ROBO2: variants seen among roughly 807,000 people sequenced by gnomAD.
ROBO2 encodes roundabout guidance receptor 2.
In ROBO2, 53 loss-of-function variants were observed where a neutral mutation model predicts 160.8. The observed-to-expected ratio is 0.33, with a 90% CI of 0.26 to 0.41. The LOEUF is 0.41. Among genes scored for constraint, ROBO2 ranks in the 10% least tolerant of loss-of-function variants. The pLI, the probability that ROBO2 is intolerant of heterozygous loss-of-function variation, is 1.00. For synonymous variants in ROBO2, 664 were observed against 611.7 expected (o/e 1.09, Z -1.26); for missense variants, 1,577 against 1,722.4 (o/e 0.92, Z 1.49).
intron 2 of ROBO2, among the ~76,000 whole-genome samples, chr3:77,111,638 C>T (rs562527414): frequency 1.3e-5 from 2 of 151,922 alleles, no homozygotes; most frequent in South Asian, 4.2e-4. Flanking sequence ...TGTTACATCG[C>T]AGTTTTTTAG....
At chr3:76,816,073 A>G (rs905852017) in intron 2 of ROBO2, among the ~76,000 whole-genome samples, 5 of 152,098 alleles carry the variant, frequency 3.3e-5, no homozygotes, top group African/African-American at 1.2e-4. Flanking sequence ...TGACTGGATA[A>G]CAGCAGAGAA....
At chr3:77,597,761 A>T (rs2094340747) in intron 19 of ROBO2, among the ~76,000 whole-genome samples, 1 of 152,232 alleles carries the variant, frequency 6.6e-6, no homozygotes, top group Non-Finnish European at 1.5e-5. Context: ...TAAGTTCCAC[A>T]AATAAAAGAG....
rs17803206 is a variant in ROBO2, at chr3:76,715,371, C to G, written c.110-382643C>G. Among the ~76,000 whole-genome samples the G allele has an allele frequency of 3.3e-3, 503 of 152,246 alleles. 4 individuals carry two copies. The highest frequency in any genetic ancestry group is 0.01 in the Middle Eastern group (3 of 294). On this transcript the variant is annotated intron_variant, in intron 2 of 26. Coordinates refer to the ROBO2 transcript ENST00000487694. ...GACTATCATTAAAATACACATTCAACAAAGATGGACTCAGTTTTATACTTC... is the reference window on the plus strand; with the variant it reads ...GACTATCATTAAAATACACATTCAAGAAAGATGGACTCAGTTTTATACTTC...
intron 1 of ROBO2, among the ~76,000 whole-genome samples, chr3:75,935,064 C>T (rs937318892): frequency 2.8e-4 from 43 of 152,078 alleles, no homozygotes; most frequent in African/African-American, 8.2e-4. Context: ...CACGGTGGCT[C>T]GTGCCTGACC....
At chr3:76,747,412 G>GTTTTATTTC (rs951664304) in intron 2 of ROBO2, among the ~76,000 whole-genome samples, 21 of 151,878 alleles carry the variant, frequency 1.4e-4, no homozygotes, top group African/African-American at 4.1e-4. Flanking sequence ...TATATTTTTA[G>GTTTTATTTC]TTTTATTTCT....
chr3:77,026,379 C>G (rs1288738668), intron 2 of ROBO2, among the ~76,000 whole-genome samples: 1 of 152,302 alleles, frequency 6.6e-6, no homozygotes, highest in East Asian at 1.9e-4. Context: ...CCACAACACT[C>G]TAGTCATCAC....
chr3:76,637,273 G>A (rs1211386248), intron 2 of ROBO2, among the ~76,000 whole-genome samples: 3 of 152,122 alleles, frequency 2.0e-5, no homozygotes, highest in Non-Finnish European at 4.4e-5. Flanking sequence ...AGATGTTGAG[G>A]TTCACCAGGA....
At chr3:76,953,688 C>T (rs1250619800) in intron 2 of ROBO2, among the ~76,000 whole-genome samples, 1 of 152,138 alleles carries the variant, frequency 6.6e-6, no homozygotes, top group Non-Finnish European at 1.5e-5. Context: ...CCAAGCATCA[C>T]TTTGTATTAT....
Position 76,822,148 on chromosome 3 carries a change from A to T in ROBO2, c.110-275866A>T, listed in dbSNP as rs1461146281. Among the ~76,000 whole-genome samples the T allele has an allele frequency of 2.0e-5, 3 of 152,036 alleles. No homozygotes were observed. In the East Asian group the frequency reaches 5.8e-4, roughly 29 times the overall value. On this transcript the variant is annotated intron_variant, in intron 2 of 26. Coordinates refer to the ROBO2 transcript ENST00000487694. ...CCAATAAATTAGAATTAAAAACTCA[A>T]GATTAATTGAATTCCCACTGGGTGT...
chr3:76,328,760 G>C (rs1291658598), intron 2 of ROBO2, among the ~76,000 whole-genome samples: 2 of 151,940 alleles, frequency 1.3e-5, no homozygotes, highest in Non-Finnish European at 2.9e-5. Context: ...TCGGGAGGCT[G>C]AAGCAGGAGA....
chr3:77,373,120 A>G (rs545667013), intron 2 of ROBO2, among the ~76,000 whole-genome samples: 3 of 147,192 alleles, frequency 2.0e-5, no homozygotes, highest in East Asian at 3.9e-4. Flanking sequence ...AAATTATTAT[A>G]AAAGTTATAA....
chr3:77,013,285 G>A (rs1031015880), intron 2 of ROBO2, among the ~76,000 whole-genome samples: 1 of 152,048 alleles, frequency 6.6e-6, no homozygotes, highest in Non-Finnish European at 1.5e-5. Flanking sequence ...GATGGTTTCT[G>A]AGAGATTGGC....
In ROBO2 at chr3:76,034,795, G is replaced by T. The variant is rs2171639; in HGVS notation, c.109+97193G>T. The stretch of plus-strand genomic sequence containing the variant: ...GTGTGACATTTATGAGCCTTGCCTG[G>T]TTCCAGCTATCATTCATCATGCCCC... On this transcript the variant is annotated intron_variant, in intron 2 of 26. Coordinates refer to the ROBO2 transcript ENST00000487694. Among the ~76,000 whole-genome samples, 75 of 152,112 alleles carry T rather than the reference G, an allele frequency of 4.9e-4. 1 individual carries two copies. Among genetic ancestry groups the T allele is most frequent in the African/African-American group, 1.7e-3 (70 of 41,398 alleles).
intron 2 of ROBO2, among the ~76,000 whole-genome samples, chr3:77,171,372 C>G (rs757847643): frequency 3.9e-5 from 6 of 152,198 alleles, no homozygotes; most frequent in Non-Finnish European, 7.3e-5. Flanking sequence ...GCTTAGAAAA[C>G]TGATCTTAGA....
chr3:76,983,667 A>C (rs1342043404), intron 2 of ROBO2, among the ~76,000 whole-genome samples: 1 of 152,334 alleles, frequency 6.6e-6, no homozygotes, highest in Admixed American at 6.5e-5. Flanking sequence ...ATTGAAAAAA[A>C]CTTACAAAGT....
chr3:76,665,945 TTATATATA>T (rs200804368), intron 2 of ROBO2, among the ~76,000 whole-genome samples: 10,215 of 141,902 alleles, frequency 0.072, 406 homozygotes, highest in Non-Finnish European at 0.094. Context: ...ATATAATATA[TTATATATA>T]ATATATACAT....
chr3:77,064,749 C>A (rs948082829), intron 1 of ROBO2, among the ~76,000 whole-genome samples: 1 of 152,216 alleles, frequency 6.6e-6, no homozygotes, highest in South Asian at 2.1e-4. Context: ...AAGCAGAAAC[C>A]AATCTATTTC....
chr3:76,304,011 GA>G (rs1353472732), intron 2 of ROBO2, among the ~76,000 whole-genome samples: 1 of 152,192 alleles, frequency 6.6e-6, no homozygotes, highest in Non-Finnish European at 1.5e-5. Flanking sequence ...CGATAACAGT[GA>G]AAATAAGTGA....
intron 2 of ROBO2, among the ~76,000 whole-genome samples, chr3:76,560,931 AAGATATATAT>A (rs1458052380): frequency 1.5e-5 from 1 of 68,390 alleles, no homozygotes; most frequent in African/African-American, 6.3e-5. Flanking sequence ...TATAAGAAGT[AAGATATATAT>A]ATATATATAT....
Sources: allele counts gnomAD v4.1 joint callset (sites outside exome capture counted in the v4.1 genomes callset), GRCh38; gene constraint gnomAD v4.1.1; transcripts MANE v1.5; gene names NCBI Gene and HGNC (gene_info 2026-07-23, HGNC 2026-07-21).